ITPR1: variants seen among roughly 807,000 people sequenced by gnomAD.
ITPR1 encodes the protein inositol 1,4,5-trisphosphate-gated calcium channel ITPR1.
Under a neutral mutation model 318.4 loss-of-function variants are expected in ITPR1, and 96 were observed. That is an observed-to-expected ratio of 0.30 (90% CI 0.26 to 0.36). The LOEUF is 0.36. ITPR1 is among the 10% of genes least tolerant of loss of function. ITPR1 has a pLI of 1.00. For synonymous variants in ITPR1, 1,312 were observed against 1,289.9 expected (o/e 1.02, Z -0.37); for missense variants, 2,440 against 3,460.2 (o/e 0.71, Z 7.40).
intron 4 of ITPR1, among the ~76,000 whole-genome samples, chr3:4,547,239 C>T (rs1330702369): frequency 6.6e-6 from 1 of 152,108 alleles, no homozygotes; most frequent in African/African-American, 2.4e-5. Context: ...TATTTTTATT[C>T]TTACATCTTA....
chr3:4,638,178 G>A (rs2093247371), intron 5 of ITPR1, among the ~76,000 whole-genome samples: 1 of 152,154 alleles, frequency 6.6e-6, no homozygotes, highest in Non-Finnish European at 1.5e-5. Context: ...GCACCTGGTA[G>A]CATCTGGCCC....
chr3:4,584,194 T>C (rs967796081), intron 4 of ITPR1, among the ~76,000 whole-genome samples: 4 of 152,204 alleles, frequency 2.6e-5, no homozygotes, highest in East Asian at 1.9e-4. Context: ...GGGAAACTTA[T>C]TCTTCTCATG....
chr3:4,544,924 G>T (rs188345080), intron 4 of ITPR1, among the ~76,000 whole-genome samples: 1 of 152,252 alleles, frequency 6.6e-6, no homozygotes, highest in East Asian at 1.9e-4. Context: ...CCCCCAAGTA[G>T]CTGGGACTAT....
At chr3:4,778,572 T>C (rs111239083) in intron 48 of ITPR1, among the ~76,000 whole-genome samples, 2,595 of 152,360 alleles carry the variant, frequency 0.017, 39 homozygotes, top group South Asian at 0.048. Flanking sequence ...GGACTTTTTT[T>C]CTGCTATTTT....
chr3:4,749,158 T>G (rs1305326733), intron 44 of ITPR1: 1 of 152,242 alleles, frequency 6.6e-6, no homozygotes, highest in Non-Finnish European at 1.5e-5. Context: ...TTCGTGATTC[T>G]TTATCTTCTC....
chr3:4,622,614 G>T (rs192492346), intron 4 of ITPR1, among the ~76,000 whole-genome samples: 1 of 151,882 alleles, frequency 6.6e-6, no homozygotes, highest in Non-Finnish European at 1.5e-5. Context: ...AGTAGACACG[G>T]GGTTTCACCA....
chr3:4,544,459 A>G (rs567749635), intron 4 of ITPR1, among the ~76,000 whole-genome samples: 46 of 152,348 alleles, frequency 3.0e-4, no homozygotes, highest in Non-Finnish European at 5.4e-4. Flanking sequence ...CATAAATAGT[A>G]TGAGTGTTAG....
At chr3:4,634,245 A>T (rs1292787299) in intron 5 of ITPR1, among the ~76,000 whole-genome samples, 16 of 151,638 alleles carry the variant, frequency 1.1e-4, no homozygotes, top group Admixed American at 1.1e-3. Context: ...CAGTCTCACC[A>T]CTCTATCACC....
At chr3:4,541,445 T>C (rs78487701) in intron 4 of ITPR1, among the ~76,000 whole-genome samples, 2 of 151,448 alleles carry the variant, frequency 1.3e-5, no homozygotes, top group South Asian at 2.1e-4. Context: ...TTGCTCAGTA[T>C]TTTTTTTTCC....
intron 20 of ITPR1, 90 bp downstream of exon 20, chr3:4,671,016 A>C: frequency 1.1e-6 from 1 of 949,668 alleles, no homozygotes; most frequent in Admixed American, 3.1e-5. Context: ...TACTTCAAGG[A>C]ATCACAAGGA....
At chr3:4,564,055 C>T (rs1199864670) in intron 4 of ITPR1, among the ~76,000 whole-genome samples, 3 of 152,042 alleles carry the variant, frequency 2.0e-5, no homozygotes, top group Non-Finnish European at 2.9e-5. Flanking sequence ...GATTCTCTTG[C>T]CTCAGCCTCC....
rs6442906 is a variant in ITPR1 at position 4,782,328 on chromosome 3, T to C, written c.6388-291T>C. The C allele has an allele frequency of 0.69, 166,523 of 240,324 alleles. 58,846 individuals carry two copies. The highest frequency in any genetic ancestry group is 0.98 in the East Asian group (12,761 of 12,984). The allele number at this position is 240,324 out of a possible 1,614,324, so 14.9% of individuals were successfully genotyped here. A position where few individuals can be genotyped will look rare whatever the true frequency, so the allele number is the denominator to read the frequency against. ...TCATATCATATTTATTGTTTCAAGG[T>C]GCTTGAAAGCCATTGCTGCCTTCTA... On this transcript the variant is annotated intron_variant, in intron 49 of 61. Coordinates refer to ENST00000649015, the MANE Select transcript of ITPR1 (RefSeq NM_001378452.1).
At chr3:4,554,785 T>A (rs1176156067) in intron 4 of ITPR1, among the ~76,000 whole-genome samples, 1 of 152,190 alleles carries the variant, frequency 6.6e-6, no homozygotes, top group Non-Finnish European at 1.5e-5. Flanking sequence ...CAGCAGTTTC[T>A]TGTCTTCCTG....
intron 4 of ITPR1, among the ~76,000 whole-genome samples, chr3:4,625,288 G>A (rs1451046506): frequency 2.0e-5 from 3 of 151,232 alleles, no homozygotes; most frequent in African/African-American, 7.3e-5. Flanking sequence ...GTTAATTATG[G>A]ATCATGACTA....
At chr3:4,674,931 G>C (rs930279159) in intron 22 of ITPR1, 137 bp from the exon 23 acceptor site, 2 of 552,506 alleles carry the variant, frequency 3.6e-6, no homozygotes, top group African/African-American at 3.9e-5. Context: ...TTATCAGAAA[G>C]TGCAAGGAAA....
At chr3:4,827,335 A>G (rs2050146857) in intron 60 of ITPR1, among the ~76,000 whole-genome samples, 1 of 152,232 alleles carries the variant, frequency 6.6e-6, no homozygotes, top group African/African-American at 2.4e-5. Context: ...GGACTATAGT[A>G]TATGATACTG....
In ITPR1 at chr3:4,820,808, A is replaced by C. The variant is rs1022483874; in HGVS notation, c.8028+2566A>C. 2.0e-5 allele frequency among the ~76,000 whole-genome samples: 3 copies of C among 152,236 alleles called. 1 individual carries two copies. Among genetic ancestry groups the C allele is most frequent in the Middle Eastern group, 6.8e-3 (2 of 294 alleles). On this transcript the variant is annotated intron_variant, in intron 60 of 61. Transcript: ENST00000649015. ...TGTCTGCTGTTGTGTTTAGGCTTGAAACCACATGAATCCCTGCTGCGGACT... is the reference window on the plus strand; with the variant it reads ...TGTCTGCTGTTGTGTTTAGGCTTGACACCACATGAATCCCTGCTGCGGACT...
chr3:4,582,323 C>T (rs556454440), intron 4 of ITPR1, among the ~76,000 whole-genome samples: 72 of 152,298 alleles, frequency 4.7e-4, no homozygotes, highest in Admixed American at 1.2e-3. Flanking sequence ...CATGTTCCTA[C>T]TGTGTCTGTA....
At chr3:4,782,142 G>A (rs2046876877) in intron 49 of ITPR1, among the ~76,000 whole-genome samples, 1 of 152,130 alleles carries the variant, frequency 6.6e-6, no homozygotes, top group Admixed American at 6.5e-5. Context: ...AGGCTGTTGG[G>A]GACTGGGAAA....
Sources: allele counts gnomAD v4.1 joint callset (sites outside exome capture counted in the v4.1 genomes callset), GRCh38; gene constraint gnomAD v4.1.1; transcripts MANE v1.5; gene names NCBI Gene and HGNC (gene_info 2026-07-23, HGNC 2026-07-21).